USP8: variants seen among roughly 807,000 people sequenced by gnomAD.
USP8 encodes the protein ubiquitin carboxyl-terminal hydrolase 8.
A neutral mutation model predicts 130.0 loss-of-function variants in USP8; 27 were observed. The observed-to-expected ratio is 0.21, with a 90% CI of 0.15 to 0.29. USP8 has a LOEUF of 0.29. USP8 is among the 10% of genes least tolerant of loss of function. USP8 has a pLI of 1.00. For synonymous variants in USP8, 392 were observed against 444.1 expected (o/e 0.88, Z 1.48); for missense variants, 1,029 against 1,312.2 (o/e 0.78, Z 3.33).
chr15:50,478,063 A>G (rs372327147), intron 10 of USP8, among the ~76,000 whole-genome samples: 9 of 152,334 alleles, frequency 5.9e-5, no homozygotes, highest in East Asian at 5.8e-4. Flanking sequence ...AACAATGCCA[A>G]TGAAAGATTG....
intron 1 of USP8, among the ~76,000 whole-genome samples, chr15:50,431,106 C>G (rs1308605631): frequency 6.7e-6 from 1 of 150,364 alleles, no homozygotes; most frequent in African/African-American, 2.5e-5. Flanking sequence ...TGCAGTATTA[C>G]TTTTTTTGTT....
intron 4 of USP8, among the ~76,000 whole-genome samples, chr15:50,456,469 A>T (rs2050792605): frequency 6.6e-6 from 1 of 151,432 alleles, no homozygotes; most frequent in Non-Finnish European, 1.5e-5. Context: ...GCCACTCGAG[A>T]GGCGGAGGCA....
intron 12 of USP8, among the ~76,000 whole-genome samples, chr15:50,487,606 G>T (rs2052010311): frequency 6.6e-6 from 1 of 152,132 alleles, no homozygotes; most frequent in Admixed American, 6.5e-5. Context: ...TGTCTTTGTT[G>T]GCCACCCACC....
chr15:50,449,370 C>A, intron 3 of USP8, 30 bp from the exon 4 acceptor site: 2 of 1,452,086 alleles, frequency 1.4e-6, no homozygotes, highest in Admixed American at 2.0e-5. Context: ...CGAGAACTAA[C>A]AATATGGGAT....
intron 1 of USP8, chr15:50,424,795 C>G: frequency 3.3e-6 from 1 of 304,060 alleles, no homozygotes; most frequent in Admixed American, 5.1e-5. Context: ...GACACTTATA[C>G]CCGACTTTGA....
chr15:50,491,343 T>A (rs1307574914), intron 14 of USP8, among the ~76,000 whole-genome samples: 1 of 152,234 alleles, frequency 6.6e-6, no homozygotes. Flanking sequence ...AATTTTTTCT[T>A]CCTGAGAACT....
In USP8 at chr15:50,505,997, A is replaced by T. The variant is rs2052652930; in HGVS notation, c.*6909A>T. 6.6e-6 allele frequency: 1 copy of T among 152,280 alleles called. No homozygotes were observed. The allele number at this position is 152,280 out of a possible 1,614,324, so 9.4% of individuals were successfully genotyped here. A position where few individuals can be genotyped will look rare whatever the true frequency, so the allele number is the denominator to read the frequency against. Reference sequence around the variant, plus strand: ...TGCTGAAAACAGTAGTTCAGTGATCAGAATTACAGTGTTCTAAGAGCTTTC... The same window carrying T: ...TGCTGAAAACAGTAGTTCAGTGATCTGAATTACAGTGTTCTAAGAGCTTTC... On this transcript the variant is annotated 3_prime_UTR_variant, in exon 20 of 20. Transcript: ENST00000307179.
intron 15 of USP8, chr15:50,493,444 A>G (rs1220987421): frequency 1.9e-6 from 1 of 519,080 alleles, no homozygotes; most frequent in Non-Finnish European, 3.8e-6. Flanking sequence ...GAAAGGGGAA[A>G]ATATCTTTAT....
intron 5 of USP8, among the ~76,000 whole-genome samples, chr15:50,460,142 C>T (rs1347177856): frequency 2.7e-5 from 4 of 150,918 alleles, no homozygotes; most frequent in Non-Finnish European, 4.4e-5. Context: ...GGATTACAGG[C>T]GCCCGCCACC....
rs1380931691 is a variant in USP8, at chr15:50,501,803, AC to A, written c.*2718del. On this transcript the variant is annotated 3_prime_UTR_variant, in exon 20 of 20. Transcript: ENST00000307179. The stretch of plus-strand genomic sequence containing the variant: ...GTCAACTCCAGGCTGTTTTTGTAAG[AC>A]CCATGCATTAGCAACGGGTTTTAAA... 1.7e-4 allele frequency: 26 copies of A among 152,198 alleles called. No homozygotes were observed. Among genetic ancestry groups the A allele is most frequent in the Admixed American group, 1.3e-4 (2 of 15,296 alleles). The allele number at this position is 152,198 out of a possible 1,614,324, so 9.4% of individuals were successfully genotyped here. A position where few individuals can be genotyped will look rare whatever the true frequency, so the allele number is the denominator to read the frequency against.
chr15:50,444,185 C>T (rs1191603463), intron 3 of USP8, among the ~76,000 whole-genome samples: 1 of 149,224 alleles, frequency 6.7e-6, no homozygotes, highest in African/African-American at 2.5e-5. Context: ...CTCACTGCAA[C>T]CTCCACCTCC....
At chr15:50,434,504 A>G (rs2050037152) in intron 1 of USP8, among the ~76,000 whole-genome samples, 1 of 151,902 alleles carries the variant, frequency 6.6e-6, no homozygotes, top group Non-Finnish European at 1.5e-5. Context: ...TCAGGTTTAC[A>G]CGTCTTAAGA....
At chr15:50,429,261 C>A (rs975370819) in intron 1 of USP8, among the ~76,000 whole-genome samples, 1 of 149,548 alleles carries the variant, frequency 6.7e-6, no homozygotes, top group African/African-American at 2.5e-5. Flanking sequence ...CATTATAATA[C>A]CAATTTCAGA....
intron 14 of USP8, among the ~76,000 whole-genome samples, chr15:50,491,465 C>T (rs1158719921): frequency 1.3e-5 from 2 of 152,116 alleles, no homozygotes. Context: ...CTTCTTGAAT[C>T]ATTCTTAAGT....
At chr15:50,456,402 T>A (rs2050790440) in intron 4 of USP8, among the ~76,000 whole-genome samples, 1 of 150,968 alleles carries the variant, frequency 6.6e-6, no homozygotes. Context: ...AAACCCCATC[T>A]CTACTAAAAA....
intron 3 of USP8, among the ~76,000 whole-genome samples, chr15:50,442,470 C>T (rs1355023718): frequency 6.6e-6 from 1 of 151,154 alleles, no homozygotes; most frequent in Admixed American, 6.7e-5. Context: ...ATGCTGGGCA[C>T]GGTGGTTCAC....
At chr15:50,461,175 A>T (rs2050986400) in intron 5 of USP8, among the ~76,000 whole-genome samples, 1 of 152,122 alleles carries the variant, frequency 6.6e-6, no homozygotes, top group Admixed American at 6.5e-5. Context: ...TATTTTTAGT[A>T]GAGACAAGGT....
intron 4 of USP8, among the ~76,000 whole-genome samples, chr15:50,453,860 CT>C (rs71124355): frequency 0.053 from 4,603 of 86,492 alleles, 38 homozygotes; most frequent in African/African-American, 0.13. Context: ...TGGGAATATT[CT>C]TTTTTTTTTT....
intron 7 of USP8, among the ~76,000 whole-genome samples, chr15:50,470,816 TTGAACTCC>T (rs1426310544): frequency 6.6e-6 from 1 of 151,984 alleles, no homozygotes; most frequent in African/African-American, 2.4e-5. Context: ...CAGGCTGGTC[TTGAACTCC>T]TGACCTCAGG....
Sources: gnomAD v4.1 joint callset for allele counts (sites outside exome capture counted in the v4.1 genomes callset) on GRCh38, gnomAD v4.1.1 for gene constraint, MANE v1.5 for transcripts, NCBI Gene and HGNC (gene_info 2026-07-23, HGNC 2026-07-21) for gene names.